The following WDR7 variants were observed in gnomAD, a reference collection of about 807,000 sequenced individuals.
WDR7 encodes the protein WD repeat domain 7, also known as WD repeat-containing protein 7.
Under a neutral mutation model 169.4 loss-of-function variants are expected in WDR7, and 46 were observed. That is an observed-to-expected ratio of 0.27 (90% CI 0.21 to 0.35). The LOEUF is 0.35. WDR7 is among the 10% of genes least tolerant of loss of function. The probability of loss-of-function intolerance (pLI) is 1.00; values close to 1 mark genes in which losing one functional copy is unlikely to be tolerated. For missense variants in WDR7, 1,534 were observed against 1,859.3 expected, an observed-to-expected ratio of 0.83 and a Z score of 3.22; for synonymous variants, 612 against 666.8, an observed-to-expected ratio of 0.92 and a Z score of 1.27.
chr18:56,671,291 G>GT (rs57573854), intron 1 of WDR7, among the ~76,000 whole-genome samples: 3,565 of 118,866 alleles, frequency 0.03, 143 homozygotes, highest in African/African-American at 0.096. Flanking sequence ...TGAGCAAAGT[G>GT]TTTTTTTTTT....
intron 13 of WDR7, among the ~76,000 whole-genome samples, chr18:56,726,912 C>A (rs926692598): frequency 6.6e-6 from 1 of 151,998 alleles, no homozygotes; most frequent in Non-Finnish European, 1.5e-5. Context: ...CTTTCCTTGG[C>A]CTTGGGTACT....
At chr18:56,652,109 T>A (rs2024669015) in intron 1 of WDR7, among the ~76,000 whole-genome samples, 1 of 152,190 alleles carries the variant, frequency 6.6e-6, no homozygotes, top group Non-Finnish European at 1.5e-5. Context: ...CACTTAGTGA[T>A]GGGTCCCAGC....
At chr18:56,689,511 T>A (rs2025519408) in intron 7 of WDR7, among the ~76,000 whole-genome samples, 1 of 152,194 alleles carries the variant, frequency 6.6e-6, no homozygotes, top group South Asian at 2.1e-4. Flanking sequence ...CAGCTTGCCT[T>A]GGCCTCCCAA....
intron 19 of WDR7, among the ~76,000 whole-genome samples, chr18:56,806,679 G>A (rs2044779034): frequency 1.3e-5 from 2 of 151,986 alleles, no homozygotes; most frequent in Admixed American, 1.3e-4. Context: ...TATTTTCTGT[G>A]CTTAAATTTA....
At chr18:56,986,731 T>TA (rs11333826) in intron 26 of WDR7, among the ~76,000 whole-genome samples, 13 of 148,200 alleles carry the variant, frequency 8.8e-5, no homozygotes, top group East Asian at 3.9e-4. Context: ...CGGGGGAAAA[T>TA]AAAAAAAAAA....
chr18:56,931,723 A>G (rs1042704007), intron 22 of WDR7, among the ~76,000 whole-genome samples: 1 of 152,220 alleles, frequency 6.6e-6, no homozygotes, highest in Non-Finnish European at 1.5e-5. Context: ...AATGAGTGCT[A>G]TCGTAGTTAA....
At chr18:56,828,125 A>G (rs2145267925) in intron 20 of WDR7, among the ~76,000 whole-genome samples, 1 of 152,384 alleles carries the variant, frequency 6.6e-6, no homozygotes, top group East Asian at 1.9e-4. Flanking sequence ...TTACAAGGAT[A>G]TAAACTTGCT....
intron 19 of WDR7, among the ~76,000 whole-genome samples, chr18:56,794,298 A>G (rs2044542300): frequency 1.8e-5 from 1 of 56,332 alleles, no homozygotes; most frequent in African/African-American, 4.4e-5. Flanking sequence ...TTAAAAGGTA[A>G]AGTCTATTTT....
intron 25 of WDR7, among the ~76,000 whole-genome samples, chr18:56,950,166 C>T (rs1787452): frequency 0.011 from 1,610 of 152,324 alleles, 32 homozygotes; most frequent in African/African-American, 0.037. Context: ...TTTCAGTATA[C>T]AGAAGTGCTT....
At chr18:56,957,717 T>C (rs923233357) in intron 25 of WDR7, among the ~76,000 whole-genome samples, 34 of 152,252 alleles carry the variant, frequency 2.2e-4, no homozygotes, top group African/African-American at 7.5e-4. Flanking sequence ...TGGTATTATT[T>C]TGGGGAAAAA....
At chr18:56,796,719 G>A (rs185631187) in intron 19 of WDR7, among the ~76,000 whole-genome samples, 5 of 152,154 alleles carry the variant, frequency 3.3e-5, no homozygotes, top group African/African-American at 1.2e-4. Flanking sequence ...CATGAACTAT[G>A]ATCAGTTCTT....
intron 13 of WDR7, among the ~76,000 whole-genome samples, chr18:56,719,483 A>T (rs907406503): frequency 4.8e-4 from 72 of 149,886 alleles, no homozygotes; most frequent in African/African-American, 1.6e-3. Flanking sequence ...AATGGCGTGA[A>T]CCCGGGAGGC....
intron 26 of WDR7, among the ~76,000 whole-genome samples, chr18:56,984,985 T>C (rs1165771949): frequency 6.6e-6 from 1 of 152,130 alleles, no homozygotes; most frequent in Non-Finnish European, 1.5e-5. Flanking sequence ...TATTGACCCA[T>C]TGCTGCCGAC....
chr18:56,946,040 T>C (rs2047098948), intron 25 of WDR7, among the ~76,000 whole-genome samples: 1 of 152,250 alleles, frequency 6.6e-6, no homozygotes, highest in Non-Finnish European at 1.5e-5. Flanking sequence ...CTGATGACTT[T>C]AAGTGCAAAC....
At chr18:56,788,155 T>C (rs1473308311) in intron 19 of WDR7, among the ~76,000 whole-genome samples, 2 of 152,190 alleles carry the variant, frequency 1.3e-5, no homozygotes, top group Non-Finnish European at 2.9e-5. Context: ...TTTGTTGAAA[T>C]ATTTCAAAAA....
intron 12 of WDR7, among the ~76,000 whole-genome samples, chr18:56,700,717 C>T (rs2025815112): frequency 6.7e-6 from 1 of 149,784 alleles, no homozygotes; most frequent in South Asian, 2.1e-4. Flanking sequence ...CTACAGGCGC[C>T]CGCTACCACG....
At chr18:56,954,862 G>C (rs750406043) in intron 25 of WDR7, among the ~76,000 whole-genome samples, 30 of 152,110 alleles carry the variant, frequency 2.0e-4, no homozygotes, top group Non-Finnish European at 4.0e-4. Context: ...AATCTAGACA[G>C]AACAGTTAAA....
intron 22 of WDR7, 105 bp downstream of exon 22, chr18:56,924,213 A>T (rs765513928): frequency 9.4e-5 from 119 of 1,264,092 alleles, no homozygotes; most frequent in Non-Finnish European, 1.2e-4. Flanking sequence ...TGTTTAATAG[A>T]TAAAAAATAC....
chr18:56,890,905 A>T (rs1018297827), intron 21 of WDR7: 1 of 152,180 alleles, frequency 6.6e-6, no homozygotes, highest in African/African-American at 2.4e-5. Context: ...GTGACTCTTC[A>T]CTTAAGCTAT....
Sources: gnomAD v4.1 joint callset for allele counts (sites outside exome capture counted in the v4.1 genomes callset) on GRCh38, gnomAD v4.1.1 for gene constraint, MANE v1.5 for transcripts, NCBI Gene and HGNC (gene_info 2026-07-23, HGNC 2026-07-21) for gene names.